The following EYA2 variants were observed in gnomAD, a reference collection of about 807,000 sequenced individuals.
EYA2 encodes EYA transcriptional coactivator and phosphatase 2.
A neutral mutation model predicts 69.2 loss-of-function variants in EYA2; 31 were observed. The observed-to-expected ratio is 0.45, with a 90% confidence interval of 0.34 to 0.60. The LOEUF (loss-of-function observed/expected upper bound fraction) is 0.60. EYA2 is among the 20% of genes least tolerant of loss of function. The probability of loss-of-function intolerance (pLI) is 0.02; values close to 1 mark genes in which losing one functional copy is unlikely to be tolerated. For synonymous variants in EYA2, 257 were observed against 279.4 expected, an observed-to-expected ratio of 0.92 and a Z score of 0.80; for missense variants, 622 against 701.2, an observed-to-expected ratio of 0.89 and a Z score of 1.28.
chr20:47,059,563 C>T (rs1438407411), intron 5 of EYA2, among the ~76,000 whole-genome samples: 1 of 152,196 alleles, frequency 6.6e-6, no homozygotes, highest in Non-Finnish European at 1.5e-5. Context: ...GTTGGCCAGG[C>T]TGGTCTCGAA....
At chr20:47,146,944 T>C (rs1428530636) in intron 10 of EYA2, among the ~76,000 whole-genome samples, 1 of 152,120 alleles carries the variant, frequency 6.6e-6, no homozygotes, top group African/African-American at 2.4e-5. Flanking sequence ...CAAAGTATAA[T>C]GTCAGAGCAA....
intron 5 of EYA2, among the ~76,000 whole-genome samples, chr20:47,054,583 G>T (rs2030508799): frequency 6.6e-6 from 1 of 152,258 alleles, no homozygotes; most frequent in African/African-American, 2.4e-5. Flanking sequence ...AATGCGGATA[G>T]ACAGAAAATG....
At position 47,188,022 on chromosome 20, in the gene EYA2, A is replaced by G. The variant is rs75302734; in HGVS notation, c.1537-31A>G. The G allele has an allele frequency of 7.1e-6, 11 of 1,555,606 alleles. No individual in the cohort carries two copies. In the South Asian group the frequency reaches 8.3e-5, roughly 12 times the overall value. ...GGAACCCGGGGGCAGGGGCGGGGCCATAACCTTGTGGCTGGTGTTCTGTGT... is the reference window on the plus strand; with the variant it reads ...GGAACCCGGGGGCAGGGGCGGGGCCGTAACCTTGTGGCTGGTGTTCTGTGT... On this transcript the variant is annotated intron_variant, in intron 15 of 15. Transcript: ENST00000327619.
intron 5 of EYA2, among the ~76,000 whole-genome samples, chr20:47,040,543 T>C (rs1049332291): frequency 6.6e-6 from 1 of 152,204 alleles, no homozygotes; most frequent in African/African-American, 2.4e-5. Context: ...CTCAGGGACA[T>C]TCAGCACTGT....
Position 46,906,854 on chromosome 20 carries a change from A to G in EYA2, c.-11+11867A>G, listed in dbSNP as rs193108268. Among the ~76,000 whole-genome samples the G allele has an allele frequency of 3.9e-5, 6 of 152,328 alleles. No homozygotes were observed. In the East Asian group the frequency reaches 1.2e-3, roughly 29 times the overall value. On this transcript the variant is annotated intron_variant, in intron 1 of 15. Coordinates refer to ENST00000327619, the MANE Select transcript of EYA2 (RefSeq NM_005244.5). ...CTCTTTGACCCTCACTTACTTGCAC[A>G]ATGAATTAATTAAGGACAGGCATGA...
rs2146249548 is a variant in EYA2 at position 46,930,052 on chromosome 20, T to C, written c.-11+35065T>C. Among the ~76,000 whole-genome samples, 2 of 152,256 alleles carry C rather than the reference T, an allele frequency of 1.3e-5. 1 individual carries two copies. Among genetic ancestry groups the C allele is most frequent in the Admixed American group, 1.3e-4 (2 of 15,302 alleles). On this transcript the variant is annotated intron_variant, in intron 1 of 15. Transcript: ENST00000327619. ...TGGATGAAACAGAATAGGAGGAGCG[T>C]AAAAGCAAGCCTAAAACTGACACAT...
At chr20:46,932,077 C>T (rs1391069878) in intron 1 of EYA2, among the ~76,000 whole-genome samples, 2 of 151,584 alleles carry the variant, frequency 1.3e-5, no homozygotes, top group African/African-American at 4.9e-5. Context: ...TCAGGAATTT[C>T]AGAGGGTGGG....
intron 1 of EYA2, among the ~76,000 whole-genome samples, chr20:46,985,905 T>G (rs1317037199): frequency 6.6e-6 from 1 of 152,192 alleles, no homozygotes; most frequent in Non-Finnish European, 1.5e-5. Context: ...CCACATTTGG[T>G]CAGTTGGCTA....
intron 1 of EYA2, among the ~76,000 whole-genome samples, chr20:46,944,202 T>C (rs1275818611): frequency 6.6e-6 from 1 of 152,138 alleles, no homozygotes; most frequent in African/African-American, 2.4e-5. Flanking sequence ...TGGTCCTGTT[T>C]TGGCCAAGCA....
At chr20:47,178,518 C>T (rs970777348) in intron 12 of EYA2, among the ~76,000 whole-genome samples, 4 of 151,810 alleles carry the variant, frequency 2.6e-5, no homozygotes, top group Admixed American at 6.6e-5. Flanking sequence ...GGAAAGACAG[C>T]GGCAGGAGAT....
At chr20:47,150,838 C>A (rs1157885869) in intron 10 of EYA2, among the ~76,000 whole-genome samples, 1 of 152,136 alleles carries the variant, frequency 6.6e-6, no homozygotes, top group Non-Finnish European at 1.5e-5. Context: ...GTTCTCTCTT[C>A]TGCTCACACC....
At chr20:47,176,639 AG>A (rs2034432068) in intron 12 of EYA2, among the ~76,000 whole-genome samples, 2 of 152,234 alleles carry the variant, frequency 1.3e-5, no homozygotes. Flanking sequence ...CAACTGCATA[AG>A]TAAAAGAACA....
intron 5 of EYA2, among the ~76,000 whole-genome samples, chr20:47,040,102 A>G (rs1053062931): frequency 3.9e-5 from 6 of 152,016 alleles, no homozygotes; most frequent in African/African-American, 1.5e-4. Flanking sequence ...CGGCCACCCA[A>G]AGTGCTGGGA....
At chr20:47,071,865 A>G (rs541955845) in intron 5 of EYA2, 139 of 275,980 alleles carry the variant, frequency 5.0e-4, no homozygotes, top group African/African-American at 2.9e-3. Flanking sequence ...GGCCGCCAAC[A>G]TGCCATCCGG....
At chr20:47,108,827 T>C (rs577053414) in intron 9 of EYA2, among the ~76,000 whole-genome samples, 1 of 152,056 alleles carries the variant, frequency 6.6e-6, no homozygotes, top group African/African-American at 2.4e-5. Flanking sequence ...GGTGCTGGGA[T>C]TACAGGCGTG....
At chr20:47,106,020 A>T (rs1296707228) in intron 9 of EYA2, among the ~76,000 whole-genome samples, 1 of 152,212 alleles carries the variant, frequency 6.6e-6, no homozygotes, top group Non-Finnish European at 1.5e-5. Flanking sequence ...GGGCAGGTTT[A>T]TGAGCCTTGG....
intron 5 of EYA2, among the ~76,000 whole-genome samples, chr20:47,047,695 A>G (rs1250702996): frequency 6.8e-6 from 1 of 147,362 alleles, no homozygotes; most frequent in Non-Finnish European, 1.5e-5. Flanking sequence ...CCTGTCTCTC[A>G]TTTTTGTTAG....
At chr20:47,070,096 A>G (rs1264935268) in intron 5 of EYA2, among the ~76,000 whole-genome samples, 1 of 152,196 alleles carries the variant, frequency 6.6e-6, no homozygotes, top group Non-Finnish European at 1.5e-5. Context: ...AGAAAAAGAC[A>G]AGCCACAAAC....
At chr20:46,990,397 A>T (rs187344624) in intron 2 of EYA2, among the ~76,000 whole-genome samples, 2 of 152,244 alleles carry the variant, frequency 1.3e-5, no homozygotes, top group East Asian at 3.9e-4. Flanking sequence ...GATGATAGTC[A>T]CTTTGGGGCG....
Sources: gnomAD v4.1 joint callset for allele counts (sites outside exome capture counted in the v4.1 genomes callset) on GRCh38, gnomAD v4.1.1 for gene constraint, MANE v1.5 for transcripts, NCBI Gene and HGNC (gene_info 2026-07-23, HGNC 2026-07-21) for gene names.